MKRN2: variants seen among roughly 807,000 people sequenced by gnomAD.
MKRN2 encodes the protein makorin ring finger protein 2, also known as E3 ubiquitin-protein ligase makorin-2.
MKRN2 carries 32 observed loss-of-function variants against 45.4 expected under a neutral mutation model. That is an observed-to-expected ratio of 0.70 (90% CI 0.53 to 0.95). The LOEUF (loss-of-function observed/expected upper bound fraction) is 0.95, where lower values mean the gene tolerates loss of function less well. MKRN2 is among the 40% of genes least tolerant of loss of function. MKRN2 has a pLI of 0.00. For synonymous variants in MKRN2, 206 were observed against 192.4 expected, an observed-to-expected ratio of 1.07 and a Z score of -0.59; for missense variants, 526 against 536.7, an observed-to-expected ratio of 0.98 and a Z score of 0.20.
chr3:12,579,720 A>ATT (rs962916535), intron 6 of MKRN2, among the ~76,000 whole-genome samples: 1 of 152,140 alleles, frequency 6.6e-6, no homozygotes, highest in Non-Finnish European at 1.5e-5. Context: ...GGCTCCTGGC[A>ATT]TTGAAACAGG....
chr3:12,578,201 C>T (rs1034389759), intron 6 of MKRN2, among the ~76,000 whole-genome samples: 2 of 151,982 alleles, frequency 1.3e-5, no homozygotes, highest in African/African-American at 4.8e-5. Context: ...CTGTGATTTC[C>T]TTGAACTCTT....
chr3:12,571,641 G>A (rs979556944), intron 3 of MKRN2, among the ~76,000 whole-genome samples: 7 of 152,204 alleles, frequency 4.6e-5, no homozygotes, highest in African/African-American at 1.4e-4. Flanking sequence ...ATTTGCTCTA[G>A]ACATCTATTC....
intron 1 of MKRN2, among the ~76,000 whole-genome samples, chr3:12,563,483 CTTTTTTT>C (rs769910086): frequency 4.9e-5 from 5 of 101,410 alleles, no homozygotes; most frequent in African/African-American, 8.2e-5. Flanking sequence ...TTGTCTAGTT[CTTTTTTT>C]TTTTTTTTTT....
At chr3:12,580,808 C>T (rs1368857959) in intron 6 of MKRN2, among the ~76,000 whole-genome samples, 1 of 152,188 alleles carries the variant, frequency 6.6e-6, no homozygotes, top group African/African-American at 2.4e-5. Context: ...AGAACTTCAC[C>T]ACCGGCCTGC....
At chr3:12,561,835 C>A (rs1381193440) in intron 1 of MKRN2, among the ~76,000 whole-genome samples, 1 of 151,942 alleles carries the variant, frequency 6.6e-6, no homozygotes, top group Non-Finnish European at 1.5e-5. Flanking sequence ...TGAAATATTG[C>A]AGTCTTGAGT....
intron 3 of MKRN2, among the ~76,000 whole-genome samples, chr3:12,571,814 C>T (rs1385009664): frequency 6.6e-6 from 1 of 151,914 alleles, no homozygotes; most frequent in Non-Finnish European, 1.5e-5. Flanking sequence ...TAAGTATATC[C>T]TATTGTTTTG....
chr3:12,560,626 C>G (rs2058029431), intron 1 of MKRN2: 1 of 152,288 alleles, frequency 6.6e-6, no homozygotes, highest in South Asian at 2.1e-4. Flanking sequence ...GCTGCTGGAG[C>G]TGCTGGTGGT....
At chr3:12,580,656 G>A (rs2058171536) in intron 6 of MKRN2, among the ~76,000 whole-genome samples, 2 of 152,048 alleles carry the variant, frequency 1.3e-5, no homozygotes, top group South Asian at 2.1e-4. Context: ...ATGGGGTTTC[G>A]CTGTGTTGGC....
Position 12,572,201 on chromosome 3 carries a change from A to T in MKRN2, c.470A>T (p.Asp157Val), listed in dbSNP as rs774755738. The part of the protein sequence containing the change: ...YLDAIRSGLD[D>V]VEASSSYSNE... ...GATGCCATCAGGAGTGGCCTTGATG[A>T]CGTGGAGGCCAGCAGCTCCTACAGC... Residue 157 changes from aspartate (D) to valine (V), a missense_variant, in exon 4 of 8, where the codon GAC becomes GTC. Coordinates refer to ENST00000170447, the MANE Select transcript of MKRN2 (RefSeq NM_014160.5). 3.1e-6 allele frequency: 5 copies of T among 1,613,816 alleles called. No individual in the cohort carries two copies. The African/African-American group carries it at 6.7e-5, about 22-fold the overall frequency.
At chr3:12,574,749 C>CA in intron 4 of MKRN2, 43 bp from the exon 5 acceptor site, 1 of 1,545,510 alleles carries the variant, frequency 6.5e-7, no homozygotes. Context: ...TGCCACTCCT[C>CA]AGTGGCCCAC....
Position 12,567,237 on chromosome 3 carries a change from G to T in MKRN2, c.27-1638G>T, listed in dbSNP as rs116788957. Among the ~76,000 whole-genome samples, 671 of 150,726 alleles carry T rather than the reference G, an allele frequency of 4.5e-3. 4 individuals are homozygous for T. Among genetic ancestry groups the T allele is most frequent in the African/African-American group, 0.015 (629 of 41,152 alleles). ...TTTTTTTTTTTTAAGCCTTATTAGG[G>T]TGTGTCTAAAATACTTCTACTCTAA... On this transcript the variant is annotated intron_variant, in intron 1 of 7. Transcript: ENST00000170447.
Position 12,582,392 on chromosome 3 carries a change from T to C in MKRN2, c.*139T>C. The C allele has an allele frequency of 9.6e-7, 1 of 1,037,010 alleles. No homozygotes were observed. Among genetic ancestry groups the C allele is most frequent in the Non-Finnish European group, 1.4e-6 (1 of 704,488 alleles). 64.2% of individuals were successfully genotyped at this position (1,037,010 alleles called of 1,614,324 possible). ...GGAGTTGGGCTTAGCCTTAGTCTCA[T>C]TCAATCTCCATTATTACAGCCATGG... On this transcript the variant is annotated 3_prime_UTR_variant, in exon 8 of 8. Coordinates refer to ENST00000170447, the MANE Select transcript of MKRN2 (RefSeq NM_014160.5).
At chr3:12,577,093 GCC>G (rs1191066678) in intron 6 of MKRN2, 1 of 156,022 alleles carries the variant, frequency 6.4e-6, no homozygotes, top group Non-Finnish European at 1.4e-5. Flanking sequence ...GCGCCACCAT[GCC>G]CAGCTAATTG....
intron 1 of MKRN2, among the ~76,000 whole-genome samples, chr3:12,559,623 A>T (rs2058019350): frequency 6.6e-6 from 1 of 152,212 alleles, no homozygotes; most frequent in Non-Finnish European, 1.5e-5. Context: ...AATGACAAAG[A>T]CACTCCATGT....
Position 12,573,602 on chromosome 3 carries a change from AT to A in MKRN2, c.643-1186del, listed in dbSNP as rs1190563013. Among the ~76,000 whole-genome samples the A allele has an allele frequency of 9.9e-5, 15 of 152,210 alleles. No homozygotes were observed. In the East Asian group the frequency reaches 2.9e-3, roughly 29 times the overall value. The stretch of plus-strand genomic sequence containing the variant: ...TGGCTTGGCTAACTTTTAAAATTTT[AT>A]TTTATTTTGGCTGGGCACAGTGGCT... On this transcript the variant is annotated intron_variant, in intron 4 of 7. Transcript: ENST00000170447.
chr3:12,565,195 G>A (rs1443955010), intron 1 of MKRN2, among the ~76,000 whole-genome samples: 2 of 152,208 alleles, frequency 1.3e-5, no homozygotes, highest in Non-Finnish European at 2.9e-5. Context: ...TTAAGAAACT[G>A]TCAAACTGTC....
intron 6 of MKRN2, 172 bp downstream of exon 6, chr3:12,576,913 T>C: frequency 3.0e-6 from 1 of 332,576 alleles, no homozygotes; most frequent in Non-Finnish European, 5.5e-6. Flanking sequence ...CATGGTGATG[T>C]GGACCTGTTT....
intron 1 of MKRN2, among the ~76,000 whole-genome samples, chr3:12,566,349 C>A (rs2058068955): frequency 6.6e-6 from 1 of 152,126 alleles, no homozygotes; most frequent in Non-Finnish European, 1.5e-5. Flanking sequence ...GCAGTTGTTT[C>A]ACATATTTTG....
chr3:12,560,153 A>G (rs2058024442), intron 1 of MKRN2, among the ~76,000 whole-genome samples: 1 of 152,238 alleles, frequency 6.6e-6, no homozygotes, highest in African/African-American at 2.4e-5. Context: ...TATTAGGATG[A>G]GCACTTACAT....
Sources: allele counts gnomAD v4.1 joint callset (sites outside exome capture counted in the v4.1 genomes callset), GRCh38; gene constraint gnomAD v4.1.1; transcripts MANE v1.5; gene names NCBI Gene and HGNC (gene_info 2026-07-23, HGNC 2026-07-21).